ADAMTS5: variants seen among roughly 807,000 people sequenced by gnomAD.
ADAMTS5 encodes ADAM metallopeptidase with thrombospondin type 1 motif 5.
Under a neutral mutation model 81.4 loss-of-function variants are expected in ADAMTS5, and 54 were observed. The observed-to-expected ratio is 0.66, with a 90% CI of 0.53 to 0.83. ADAMTS5 has a LOEUF of 0.83. ADAMTS5 is among the 40% of genes least tolerant of loss of function. The probability of loss-of-function intolerance (pLI) is 0.00; values close to 1 mark genes in which losing one functional copy is unlikely to be tolerated. For synonymous variants in ADAMTS5, 532 were observed against 508.8 expected, an observed-to-expected ratio of 1.05 and a Z score of -0.61; for missense variants, 1,194 against 1,229.9, an observed-to-expected ratio of 0.97 and a Z score of 0.44.
At position 26,957,711 on chromosome 21, in the gene ADAMTS5, G is replaced by T. The variant is rs187929565; in HGVS notation, c.1105-2840C>A. On this transcript the variant is annotated intron_variant, in intron 1 of 7. Transcript: ENST00000284987. ...GTGGAAGATTTAGTAAAATATGAAG[G>T]TTGCAAAGGTTGCAGAGATTTATCT... 1.1e-3 allele frequency among the ~76,000 whole-genome samples: 171 copies of T among 152,260 alleles called. 2 individuals are homozygous for T. Among genetic ancestry groups the T allele is most frequent in the Middle Eastern group, 3.4e-3 (1 of 294 alleles).
intron 5 of ADAMTS5, 126 bp downstream of exon 5, chr21:26,932,734 AT>A: frequency 9.7e-7 from 1 of 1,031,408 alleles, no homozygotes; most frequent in South Asian, 2.2e-5. Flanking sequence ...TTTGTTATTG[AT>A]CTGCATATTG....
chr21:26,937,940 G>T (rs1472954010), intron 3 of ADAMTS5, among the ~76,000 whole-genome samples: 3 of 152,080 alleles, frequency 2.0e-5, no homozygotes, highest in Non-Finnish European at 4.4e-5. Flanking sequence ...TAAATGGATA[G>T]ACTATAAAAT....
chr21:26,933,566 C>A (rs1367703769), intron 4 of ADAMTS5, among the ~76,000 whole-genome samples: 1 of 152,202 alleles, frequency 6.6e-6, no homozygotes, highest in Non-Finnish European at 1.5e-5. Context: ...ATGTACCGGA[C>A]CCAACTTGGC....
rs1208557804 is a variant in ADAMTS5, at chr21:26,920,715, A to T, written c.*3338T>A. On this transcript the variant is annotated 3_prime_UTR_variant, in exon 8 of 8. Transcript: ENST00000284987. ...GCTTCTAGGCTATTTGTGTACCCAA[A>T]TTTAAAACTTGCACCTTGTTTCATT... The T allele has an allele frequency of 6.6e-6, 1 of 152,092 alleles. No homozygotes were observed. Among genetic ancestry groups the T allele is most frequent in the African/African-American group, 2.4e-5 (1 of 41,440 alleles). The allele number at this position is 152,092 out of a possible 1,614,324, so 9.4% of individuals were successfully genotyped here.
At chr21:26,957,198 T>C (rs925202540) in intron 1 of ADAMTS5, among the ~76,000 whole-genome samples, 4 of 152,210 alleles carry the variant, frequency 2.6e-5, no homozygotes, top group African/African-American at 4.8e-5. Context: ...GAATACAGCA[T>C]CTCGCATTCA....
intron 3 of ADAMTS5, among the ~76,000 whole-genome samples, chr21:26,937,790 T>C (rs1392181174): frequency 2.6e-5 from 4 of 152,222 alleles, no homozygotes; most frequent in African/African-American, 9.6e-5. Context: ...TTAATCTGTT[T>C]TAATTTTATT....
intron 1 of ADAMTS5, among the ~76,000 whole-genome samples, chr21:26,960,248 C>G (rs1241425704): frequency 6.6e-6 from 1 of 152,172 alleles, no homozygotes; most frequent in Non-Finnish European, 1.5e-5. Flanking sequence ...GCCTGCTCAC[C>G]CAGGATCCAG....
intron 3 of ADAMTS5, among the ~76,000 whole-genome samples, chr21:26,939,986 G>A (rs553818044): frequency 1.7e-4 from 26 of 152,284 alleles, no homozygotes; most frequent in Non-Finnish European, 3.2e-4. Flanking sequence ...GAGTGAGCAC[G>A]CTGGTTTTTC....
In ADAMTS5 at chr21:26,965,274, C is replaced by T; in HGVS notation, c.1104+14G>A. On this transcript the variant is annotated intron_variant, in intron 1 of 7. Transcript: ENST00000284987. ...ATATCAGCGCTGGGACCCCCGCATC[C>T]CGGCTGGACCTACCTCCCGAGTAAA... 4 of 1,596,874 alleles carry T rather than the reference C, an allele frequency of 2.5e-6. No homozygotes were observed. The highest frequency in any genetic ancestry group is 3.4e-6 in the Non-Finnish European group (4 of 1,168,338).
At chr21:26,926,114 T>C (rs1461629644) in intron 7 of ADAMTS5, among the ~76,000 whole-genome samples, 4 of 151,916 alleles carry the variant, frequency 2.6e-5, no homozygotes, top group African/African-American at 7.3e-5. Context: ...CTACAAAAAG[T>C]AAAAGAGTTA....
chr21:26,920,615 C>T lies in ADAMTS5; in HGVS notation c.*3438G>A, dbSNP rs1435170718. The T allele has an allele frequency of 1.3e-5, 2 of 152,132 alleles. No homozygotes were observed. Among genetic ancestry groups the T allele is most frequent in the East Asian group, 3.9e-4 (2 of 5,170 alleles). 9.4% of individuals were successfully genotyped at this position (152,132 alleles called of 1,614,324 possible). On this transcript the variant is annotated 3_prime_UTR_variant, in exon 8 of 8. Coordinates refer to ENST00000284987, the MANE Select transcript of ADAMTS5 (RefSeq NM_007038.5). ...TGTAGACAACTTTCATCTAATACAT[C>T]AATATCGACTTGTCCAAGTTTCTCG...
At chr21:26,964,564 C>T (rs968708003) in intron 1 of ADAMTS5, among the ~76,000 whole-genome samples, 1 of 152,198 alleles carries the variant, frequency 6.6e-6, no homozygotes, top group Non-Finnish European at 1.5e-5. Flanking sequence ...CGGAGTTGGC[C>T]TGGGCAGTGC....
Position 26,923,962 on chromosome 21 carries a change from T to C in ADAMTS5, c.*91A>G, listed in dbSNP as rs769112279. 20 of 1,332,482 alleles carry C rather than the reference T, an allele frequency of 1.5e-5. No individual in the cohort carries two copies. Among genetic ancestry groups the C allele is most frequent in the South Asian group, 3.0e-5 (2 of 67,614 alleles). 82.5% of individuals were successfully genotyped at this position (1,332,482 alleles called of 1,614,324 possible). ...GTTGACAATGTCACTGAAGCATGAC[T>C]TTCTGTGCGTTAGGTAGACCTCCTG... On this transcript the variant is annotated 3_prime_UTR_variant, in exon 8 of 8. Transcript: ENST00000284987.
At position 26,965,922 on chromosome 21, in the gene ADAMTS5, G is replaced by T; in HGVS notation, c.470C>A (p.Ala157Glu). The change falls in exon 1 of 8, where the codon GCG (alanine) becomes GAG (glutamate). Residue 157 changes from alanine to glutamate, a missense_variant. Physicochemically the swap from Ala to Glu is moderately radical, Grantham distance 107. Coordinates refer to ENST00000284987, the MANE Select transcript of ADAMTS5 (RefSeq NM_007038.5). ...TAGGGTGTAGCGCGCGTGCTTGACC[G>T]CGAAGAAGCCGTCGAGACCCCCACA... ...DLCGGLDGFF[A>E]VKHARYTLKP... 1.2e-6 allele frequency: 2 copies of T among 1,613,860 alleles called. No individual in the cohort carries two copies. The highest frequency in any genetic ancestry group is 1.7e-6 in the Non-Finnish European group (2 of 1,179,966).
chr21:26,940,082 G>A (rs538705860), intron 3 of ADAMTS5, among the ~76,000 whole-genome samples: 5 of 152,244 alleles, frequency 3.3e-5, no homozygotes, highest in Admixed American at 6.5e-5. Context: ...GGCAGTGGAC[G>A]AGTGCTACAA....
At chr21:26,925,882 A>G (rs1406711003) in intron 7 of ADAMTS5, among the ~76,000 whole-genome samples, 3 of 152,240 alleles carry the variant, frequency 2.0e-5, no homozygotes, top group Non-Finnish European at 4.4e-5. Flanking sequence ...AGATGATGCA[A>G]TGCTCAGGGC....
At chr21:26,962,548 C>A (rs772380852) in intron 1 of ADAMTS5, among the ~76,000 whole-genome samples, 1 of 152,192 alleles carries the variant, frequency 6.6e-6, no homozygotes, top group Non-Finnish European at 1.5e-5. Flanking sequence ...GTGGCCTCAG[C>A]TAGTAAACAG....
intron 1 of ADAMTS5, among the ~76,000 whole-genome samples, chr21:26,960,788 T>C (rs2123207426): frequency 6.6e-6 from 1 of 152,328 alleles, no homozygotes; most frequent in African/African-American, 2.4e-5. Flanking sequence ...GGGTTGTTAT[T>C]ATCTTCTCCA....
At chr21:26,925,757 A>G (rs970871797) in intron 7 of ADAMTS5, among the ~76,000 whole-genome samples, 1 of 152,152 alleles carries the variant, frequency 6.6e-6, no homozygotes, top group African/African-American at 2.4e-5. Context: ...CTTACTCCAG[A>G]GTTTCCTCTG....
Sources: allele counts gnomAD v4.1 joint callset (sites outside exome capture counted in the v4.1 genomes callset), GRCh38; gene constraint gnomAD v4.1.1; transcripts MANE v1.5; gene names NCBI Gene and HGNC (gene_info 2026-07-23, HGNC 2026-07-21).